The following PKD1 variants were observed in gnomAD, a reference collection of about 807,000 sequenced individuals.
PKD1 encodes the protein polycystin 1, transient receptor potential channel interacting.
Under a neutral mutation model 361.7 loss-of-function variants are expected in PKD1, and 81 were observed. That is an observed-to-expected ratio of 0.22 (90% CI 0.19 to 0.27). PKD1 has a LOEUF of 0.27. Ranked by LOEUF, PKD1 falls within the 10% of genes least tolerant of loss-of-function variation. The pLI is 1.00. For missense variants in PKD1, 6,399 were observed against 6,118.3 expected, an observed-to-expected ratio of 1.05 and a Z score of -1.53; for synonymous variants, 3,615 against 2,818.3, an observed-to-expected ratio of 1.28 and a Z score of -8.95.
chr16:2,128,544 T>C (rs2092826730), intron 1 of PKD1, among the ~76,000 whole-genome samples: 1 of 152,116 alleles, frequency 6.6e-6, no homozygotes, highest in Non-Finnish European at 1.5e-5. Context: ...GATGAAATCA[T>C]CACCACGGCT....
At chr16:2,114,141 G>A (rs759869492) in intron 11 of PKD1, 29 bp downstream of exon 11, 34 of 1,592,876 alleles carry the variant, frequency 2.1e-5, no homozygotes, top group Non-Finnish European at 2.6e-5. Context: ...CTGCCTGGGG[G>A]CTGGTGGTGG....
chr16:2,093,891 G>T lies in PKD1; in HGVS notation c.10741C>A (p.Pro3581Thr), dbSNP rs2091725054. ...AVSGWVGASF[P>T]PGVSVAWLLS... ...AGCCACGCAACACTCACGCCCGGGG[G>T]GAAGCTCGCACCCACCCACCCTGAG... Residue 3581 changes from proline to threonine, a missense_variant, in exon 36 of 46, where the codon CCC (proline) becomes ACC (threonine). Transcript: ENST00000262304. 4 of 1,578,586 alleles carry T rather than the reference G, an allele frequency of 2.5e-6. No individual in the cohort carries two copies. The highest frequency in any genetic ancestry group is 1.8e-5 in the Admixed American group (1 of 57,010).
intron 1 of PKD1, among the ~76,000 whole-genome samples, chr16:2,120,449 G>A (rs563176047): frequency 6.6e-6 from 1 of 152,322 alleles, no homozygotes; most frequent in African/African-American, 2.4e-5. Context: ...AGGAAACTGG[G>A]TGTGGTGGCT....
intron 34 of PKD1, among the ~76,000 whole-genome samples, chr16:2,096,477 A>C (rs1313996998): frequency 6.6e-6 from 1 of 152,194 alleles, no homozygotes; most frequent in Non-Finnish European, 1.5e-5. Context: ...CCTCTATATG[A>C]CCATTTGTTG....
rs142285430 is a variant in PKD1, at chr16:2,088,881, G to GCGCGCACACACA, written c.*845_*846insTGTGTGTGCGCG. 10 of 421,378 alleles carry GCGCGCACACACA rather than the reference G, an allele frequency of 2.4e-5. No individual in the cohort carries two copies. The highest frequency in any genetic ancestry group is 1.6e-4 in the African/African-American group (7 of 44,578). 26.1% of individuals were successfully genotyped at this position (421,378 alleles called of 1,614,324 possible). The stretch of plus-strand genomic sequence containing the variant: ...ACAGCACACTCGCGCGTGCGCGCGC[G>GCGCGCACACACA]CACACACACACACACACAGTCACCT... On this transcript the variant is annotated 3_prime_UTR_variant, in exon 46 of 46. Coordinates refer to ENST00000262304, the MANE Select transcript of PKD1 (RefSeq NM_001009944.3).
intron 15 of PKD1, 33 bp downstream of exon 15, chr16:2,108,219 G>C (rs1040561477): frequency 3.8e-6 from 6 of 1,574,462 alleles, no homozygotes; most frequent in Non-Finnish European, 5.2e-6. Context: ...GGACGGGTGA[G>C]GGGCATGGAG....
Position 2,092,540 on chromosome 16 carries a change from C to G in PKD1, c.11209G>C (p.Gly3737Arg), listed in dbSNP as rs773289901. ...MAHVLLPYVH[G>R]NQSSPELGPP... ...CCCAGCTCTGGGCTGGACTGGTTCC[C>G]GTGGACGTAGGGCAGCAGCACGTGG... The change falls in exon 39 of 46, where the codon GGG (glycine) becomes CGG (arginine). Residue 3737 changes from glycine (G) to arginine (R), a missense_variant. By Grantham distance (125) the Gly-to-Arg change is moderately radical. Transcript: ENST00000262304. 1.2e-5 allele frequency: 19 copies of G among 1,612,594 alleles called. No homozygotes were observed. Among genetic ancestry groups the G allele is most frequent in the Non-Finnish European group, 1.4e-5 (17 of 1,179,916 alleles).
rs756727755 is a variant in PKD1 at position 2,116,123 on chromosome 16, T to G, written c.1723-5A>C. 1 of 1,560,372 alleles carries G rather than the reference T, an allele frequency of 6.4e-7. No individual in the cohort carries two copies. Among genetic ancestry groups the G allele is most frequent in the Non-Finnish European group, 8.7e-7 (1 of 1,150,176 alleles). On this transcript the variant is annotated splice_region_variant and splice_polypyrimidine_tract_variant and intron_variant, in intron 8 of 45. Transcript: ENST00000262304. The stretch of plus-strand genomic sequence containing the variant: ...CAGGCCCGGGAATACCATGACCTGG[T>G]GGGCAGGGGGCCGCCTCAGCTCCAC...
chr16:2,127,044 C>A (rs138962236), intron 1 of PKD1, among the ~76,000 whole-genome samples: 1 of 152,240 alleles, frequency 6.6e-6, no homozygotes, highest in East Asian at 1.9e-4. Context: ...GATGCCCTGG[C>A]CTCAGAAGAG....
In PKD1 at chr16:2,088,881, G is replaced by GCACACACACA. The variant is rs56279647; in HGVS notation, c.*836_*845dup. 24 of 421,482 alleles carry GCACACACACA rather than the reference G, an allele frequency of 5.7e-5. No individual in the cohort carries two copies. Among genetic ancestry groups the GCACACACACA allele is most frequent in the East Asian group, 5.5e-4 (13 of 23,830 alleles). 26.1% of individuals were successfully genotyped at this position (421,482 alleles called of 1,614,324 possible). ...ACAGCACACTCGCGCGTGCGCGCGC[G>GCACACACACA]CACACACACACACACACAGTCACCT... On this transcript the variant is annotated 3_prime_UTR_variant, in exon 46 of 46. Transcript: ENST00000262304.
At position 2,088,872 on chromosome 16, in the gene PKD1, TGCGC is replaced by T. The variant is rs561630495; in HGVS notation, c.*851_*854del. On this transcript the variant is annotated 3_prime_UTR_variant, in exon 46 of 46. Transcript: ENST00000262304. Reference sequence around the variant, plus strand: ...CTGGGCCATACAGCACACTCGCGCGTGCGCGCGCGCACACACACACACACACAGT... The same window carrying T: ...CTGGGCCATACAGCACACTCGCGCGTGCGCGCACACACACACACACACAGT... The T allele has an allele frequency of 1.1e-4, 57 of 500,514 alleles. No individual in the cohort carries two copies. Among genetic ancestry groups the T allele is most frequent in the South Asian group, 4.0e-4 (19 of 47,788 alleles). 31.0% of individuals were successfully genotyped at this position (500,514 alleles called of 1,614,324 possible).
At chr16:2,126,810 C>T (rs368370667) in intron 1 of PKD1, among the ~76,000 whole-genome samples, 9 of 152,380 alleles carry the variant, frequency 5.9e-5, no homozygotes, top group Admixed American at 2.0e-4. Flanking sequence ...GCAGGGTCTC[C>T]CCCACGAGCA....
At position 2,090,514 on chromosome 16, in the gene PKD1, G is replaced by A. The variant is rs1383085528; in HGVS notation, c.12215C>T (p.Ser4072Phe). 2 of 1,611,008 alleles carry A rather than the reference G, an allele frequency of 1.2e-6. No homozygotes were observed. Among genetic ancestry groups the A allele is most frequent in the Non-Finnish European group, 1.7e-6 (2 of 1,179,514 alleles). The stretch of plus-strand genomic sequence containing the variant: ...CCAGGACTCGGCAGGACACAGGGTA[G>A]AGAGCCCAGTCCCAGGGCACAGCAC... The part of the protein sequence containing the change: ...LLVLCPGTGL[S>F]TLCPAESWHL... The change falls in exon 45 of 46, where the codon TCT becomes TTT. Residue 4072 changes from serine to phenylalanine, a missense_variant. By Grantham distance (155) the Ser-to-Phe change is radical. Transcript: ENST00000262304.
chr16:2,129,004 C>A (rs572203781), intron 1 of PKD1, among the ~76,000 whole-genome samples: 87 of 152,176 alleles, frequency 5.7e-4, no homozygotes, highest in Admixed American at 2.2e-3. Context: ...GCTGGGATTA[C>A]AGGCGCCCAC....
Position 2,090,117 on chromosome 16 carries a change from A to G in PKD1, c.12522T>C (p.Asp4174=), listed in dbSNP as rs753543609. 5.0e-6 allele frequency: 8 copies of G among 1,600,758 alleles called. No individual in the cohort carries two copies. The South Asian group carries it at 7.7e-5, about 16-fold the overall frequency. ...RSSRGSKVSP[D]VPPPSAGSDA... The stretch of plus-strand genomic sequence containing the variant: ...CGGAGCCAGCGCTGGGTGGGGGCAC[A>G]TCCGGGGATACCTTGGAGCCCCTGG... The change falls in exon 46 of 46, where the codon GAT becomes GAC. Residue 4174 remains aspartate (D), a synonymous_variant. Coordinates refer to ENST00000262304, the MANE Select transcript of PKD1 (RefSeq NM_001009944.3).
chr16:2,127,426 C>T (rs770168024), intron 1 of PKD1, among the ~76,000 whole-genome samples: 3 of 152,236 alleles, frequency 2.0e-5, no homozygotes, highest in Non-Finnish European at 4.4e-5. Context: ...GCGCTGAAGG[C>T]ACCGAGGCTG....
intron 13 of PKD1, 25 bp downstream of exon 13, chr16:2,112,763 C>T (rs1202727143): frequency 6.3e-7 from 1 of 1,593,158 alleles, no homozygotes; most frequent in South Asian, 1.1e-5. Flanking sequence ...GGTGCCCACC[C>T]CAAACCGGCC....
Position 2,092,547 on chromosome 16 carries a change from G to A in PKD1, c.11202C>T (p.Tyr3734=), listed in dbSNP as rs555704322. ...CTGGGCTGGACTGGTTCCCGTGGAC[G>A]TAGGGCAGCAGCACGTGGGCCATCC... ...WPWMAHVLLP[Y]VHGNQSSPEL... Residue 3734 remains tyrosine, a synonymous_variant, in exon 39 of 46, where the codon TAC becomes TAT. Coordinates refer to ENST00000262304, the MANE Select transcript of PKD1 (RefSeq NM_001009944.3). 46 of 1,612,592 alleles carry A rather than the reference G, an allele frequency of 2.9e-5. No individual in the cohort carries two copies. The highest frequency in any genetic ancestry group is 8.9e-5 in the East Asian group (4 of 44,878).
At chr16:2,123,271 G>A (rs1487803021) in intron 1 of PKD1, among the ~76,000 whole-genome samples, 2 of 152,056 alleles carry the variant, frequency 1.3e-5, no homozygotes, top group African/African-American at 4.8e-5. Flanking sequence ...CGAGCTCCCA[G>A]GGCCCAGGGC....
Sources: gnomAD v4.1 joint callset for allele counts (sites outside exome capture counted in the v4.1 genomes callset) on GRCh38, gnomAD v4.1.1 for gene constraint, MANE v1.5 for transcripts, NCBI Gene and HGNC (gene_info 2026-07-23, HGNC 2026-07-21) for gene names.